The following EFR3A variants were observed in gnomAD, a reference collection of about 807,000 sequenced individuals.
The protein encoded by EFR3A is protein EFR3 homolog A.
A neutral mutation model predicts 104.4 loss-of-function variants in EFR3A; 76 were observed. That is an observed-to-expected ratio of 0.73 (90% CI 0.60 to 0.88). The LOEUF (loss-of-function observed/expected upper bound fraction) is 0.88, where lower values mean the gene tolerates loss of function less well. Ranked by LOEUF, EFR3A falls within the 40% of genes least tolerant of loss-of-function variation. The probability of loss-of-function intolerance (pLI) is 0.00; values close to 1 mark genes in which losing one functional copy is unlikely to be tolerated. For missense variants in EFR3A, 985 were observed against 1,012.5 expected, an observed-to-expected ratio of 0.97 and a Z score of 0.37; for synonymous variants, 330 against 330.0, an observed-to-expected ratio of 1.00 and a Z score of 0.00.
chr8:131,928,357 T>G (rs1173182157), intron 1 of EFR3A, among the ~76,000 whole-genome samples: 1 of 152,128 alleles, frequency 6.6e-6, no homozygotes, highest in African/African-American at 2.4e-5. Context: ...ATTATACAAT[T>G]TTTTTCTTCA....
chr8:131,919,012 A>AT (rs1221243592), intron 1 of EFR3A, among the ~76,000 whole-genome samples: 2 of 151,944 alleles, frequency 1.3e-5, no homozygotes, highest in East Asian at 3.9e-4. Flanking sequence ...ACAAACTAAT[A>AT]TTTTTTGATT....
rs770392172 is a variant in EFR3A, at chr8:131,976,113, A to G, written c.1246A>G (p.Thr416Ala). The part of the protein sequence containing the change: ...MGKVPVFGTS[T>A]HTLDISQLGD... ...GAAAGTACCTGTCTTTGGAACATCT[A>G]CCCATACTTTGGATATCAGTCAACT... is the stretch of plus-strand genomic sequence containing the variant. The change falls in exon 11 of 23, where the codon ACC becomes GCC. Residue 416 changes from threonine to alanine, a missense_variant. Thr to Ala is a moderately conservative substitution (Grantham distance 58). Coordinates refer to ENST00000254624, the MANE Select transcript of EFR3A (RefSeq NM_015137.6). 3.1e-6 allele frequency: 5 copies of G among 1,599,926 alleles called. No individual in the cohort carries two copies. Among genetic ancestry groups the G allele is most frequent in the East Asian group, 2.2e-5 (1 of 44,596 alleles).
intron 19 of EFR3A, 82 bp from the exon 20 acceptor site, chr8:132,001,677 C>A: frequency 8.1e-7 from 1 of 1,239,654 alleles, no homozygotes. Flanking sequence ...TGAAAAACTT[C>A]TTAGATGACT....
chr8:131,977,187 T>G (rs1820367657), intron 12 of EFR3A, 95 bp downstream of exon 12: 3 of 853,758 alleles, frequency 3.5e-6, no homozygotes, highest in Non-Finnish European at 5.4e-6. Context: ...CTTTCTTAAG[T>G]AAGTTACTGT....
intron 1 of EFR3A, among the ~76,000 whole-genome samples, chr8:131,917,804 C>T (rs1175789975): frequency 6.6e-6 from 1 of 151,990 alleles, no homozygotes; most frequent in Non-Finnish European, 1.5e-5. Flanking sequence ...GTAGTAGTAA[C>T]CCTTATCTTT....
intron 1 of EFR3A, among the ~76,000 whole-genome samples, chr8:131,922,136 A>G (rs1040965229): frequency 6.6e-6 from 1 of 152,134 alleles, no homozygotes; most frequent in East Asian, 1.9e-4. Context: ...AATAATTCCA[A>G]TCTCTTCCGC....
intron 8 of EFR3A, among the ~76,000 whole-genome samples, chr8:131,960,152 C>T (rs1586605966): frequency 6.6e-6 from 1 of 152,250 alleles, no homozygotes; most frequent in East Asian, 1.9e-4. Flanking sequence ...TGCTTACCTT[C>T]TTGTGGAGTT....
At chr8:131,936,480 C>T (rs1003576985) in intron 1 of EFR3A, among the ~76,000 whole-genome samples, 5 of 151,928 alleles carry the variant, frequency 3.3e-5, no homozygotes, top group African/African-American at 1.2e-4. Flanking sequence ...TGCCTCCCTC[C>T]GCCCCCCTCC....
intron 8 of EFR3A, among the ~76,000 whole-genome samples, chr8:131,964,919 A>G (rs1819612440): frequency 6.6e-6 from 1 of 152,176 alleles, no homozygotes. Flanking sequence ...CCACATATCT[A>G]CAACTCTCTG....
intron 21 of EFR3A, among the ~76,000 whole-genome samples, chr8:132,003,018 GT>G (rs1459599959): frequency 2.0e-5 from 3 of 151,990 alleles, no homozygotes; most frequent in Non-Finnish European, 4.4e-5. Context: ...TTGTTGATAT[GT>G]TTTTAACATT....
intron 14 of EFR3A, among the ~76,000 whole-genome samples, chr8:131,981,371 C>T (rs1350281784): frequency 6.6e-6 from 1 of 151,912 alleles, no homozygotes; most frequent in South Asian, 2.1e-4. Context: ...ATTAGTTATT[C>T]CTCTGTTTTA....
At chr8:131,945,299 C>T (rs967167032) in intron 3 of EFR3A, among the ~76,000 whole-genome samples, 2 of 151,614 alleles carry the variant, frequency 1.3e-5, no homozygotes, top group Non-Finnish European at 2.9e-5. Flanking sequence ...AAGAGAGAAC[C>T]GTGTTAGGCT....
intron 10 of EFR3A, among the ~76,000 whole-genome samples, chr8:131,972,753 G>T (rs1291078433): frequency 6.6e-6 from 1 of 152,038 alleles, no homozygotes; most frequent in Non-Finnish European, 1.5e-5. Context: ...TAATAGTAGA[G>T]TCATATATAA....
At chr8:131,982,308 A>G (rs573281685) in intron 14 of EFR3A, among the ~76,000 whole-genome samples, 1 of 152,160 alleles carries the variant, frequency 6.6e-6, no homozygotes, top group South Asian at 2.1e-4. Flanking sequence ...TTTTTAATTC[A>G]GCTCTATTTT....
intron 1 of EFR3A, among the ~76,000 whole-genome samples, chr8:131,913,731 G>C (rs1314302066): frequency 1.3e-5 from 2 of 152,054 alleles, no homozygotes; most frequent in African/African-American, 4.8e-5. Context: ...CAGCTGTCTT[G>C]GCAATTAGCT....
intron 8 of EFR3A, among the ~76,000 whole-genome samples, chr8:131,962,046 G>A (rs1213749357): frequency 2.0e-3 from 298 of 149,260 alleles, no homozygotes; most frequent in African/African-American, 7.2e-3. Flanking sequence ...CCTTACAAGA[G>A]CTCCTGAAGG....
At chr8:131,915,358 T>G (rs566853586) in intron 1 of EFR3A, among the ~76,000 whole-genome samples, 1 of 152,326 alleles carries the variant, frequency 6.6e-6, no homozygotes, top group East Asian at 1.9e-4. Flanking sequence ...CTTGTAGTCA[T>G]TTCAGTCATA....
chr8:131,912,028 G>T (rs1214341209), intron 1 of EFR3A, among the ~76,000 whole-genome samples: 2 of 152,196 alleles, frequency 1.3e-5, no homozygotes, highest in East Asian at 3.8e-4. Context: ...CCCACCTTGG[G>T]GAAGAGCGAT....
chr8:131,972,245 C>T (rs186916476), intron 10 of EFR3A, among the ~76,000 whole-genome samples: 2 of 127,328 alleles, frequency 1.6e-5, no homozygotes, highest in Non-Finnish European at 3.2e-5. Flanking sequence ...CATCCCCCCA[C>T]CTCCCTGAAC....
Sources: gnomAD v4.1 joint callset for allele counts (sites outside exome capture counted in the v4.1 genomes callset) on GRCh38, gnomAD v4.1.1 for gene constraint, MANE v1.5 for transcripts, NCBI Gene and HGNC (gene_info 2026-07-23, HGNC 2026-07-21) for gene names.